The following PCDHGA4 variants were observed in gnomAD, a reference collection of about 807,000 sequenced individuals.
PCDHGA4 encodes protocadherin gamma subfamily A, 4.
PCDHGA4 carries 38 observed loss-of-function variants against 54.6 expected under a neutral mutation model. The observed-to-expected ratio is 0.70, with a 90% CI of 0.54 to 0.91. PCDHGA4 has a LOEUF of 0.91. Ranked by LOEUF, PCDHGA4 falls within the 40% of genes least tolerant of loss-of-function variation. PCDHGA4 has a pLI of 0.00. For missense variants in PCDHGA4, 1,298 were observed against 1,220.9 expected (o/e 1.06, Z -0.94); for synonymous variants, 511 against 512.9 (o/e 1.00, Z 0.05).
At chr5:141,453,175 A>G (rs928062909) in intron 1 of PCDHGA4, among the ~76,000 whole-genome samples, 2 of 152,088 alleles carry the variant, frequency 1.3e-5, no homozygotes, top group African/African-American at 4.8e-5. Context: ...GTCCAGTGGT[A>G]CAATCACAGC....
Position 141,431,854 on chromosome 5 carries a change from A to G in PCDHGA4, c.2515-62953A>G. On this transcript the variant is annotated intron_variant, in intron 1 of 3. Coordinates refer to ENST00000571252, the MANE Select transcript of PCDHGA4 (RefSeq NM_018917.4). The surrounding 1 kb of genome is among the most constrained non-coding windows in gnomAD (Gnocchi z 4.8). Reference sequence around the variant, plus strand: ...CCGAAAACTCTCCCAGAGGGACATTAATTGCCCTTTTAAATGTAAATGACC... The same window carrying G: ...CCGAAAACTCTCCCAGAGGGACATTGATTGCCCTTTTAAATGTAAATGACC... The G allele has an allele frequency of 6.2e-7, 1 of 1,614,230 alleles. No individual in the cohort carries two copies. The highest frequency in any genetic ancestry group is 1.3e-5 in the African/African-American group (1 of 75,070).
At chr5:141,386,116 T>G (rs376387323) in intron 1 of PCDHGA4, 1 of 152,146 alleles carries the variant, frequency 6.6e-6, no homozygotes, top group Admixed American at 6.6e-5. Context: ...GCTATCAAAG[T>G]GGGAGATTGG....
intron 1 of PCDHGA4, chr5:141,362,476 G>A (rs757587046): frequency 1.2e-6 from 2 of 1,614,028 alleles, no homozygotes; most frequent in East Asian, 2.2e-5. Context: ...GCAAGATCTC[G>A]TCTGTGACAA....
intron 1 of PCDHGA4, chr5:141,430,655 G>T (rs1309165721): frequency 1.6e-5 from 17 of 1,084,938 alleles, no homozygotes; most frequent in Non-Finnish European, 2.2e-5. Flanking sequence ...TGGAAACAAC[G>T]GAGGAGCTCT....
At chr5:141,378,827 A>G (rs983017381) in intron 1 of PCDHGA4, 1 of 152,256 alleles carries the variant, frequency 6.6e-6, no homozygotes, top group African/African-American at 2.4e-5. Flanking sequence ...TTTCATGAAC[A>G]GAAAACAGCA....
intron 1 of PCDHGA4, chr5:141,423,660 G>T (rs765304048): frequency 1.3e-6 from 2 of 1,560,582 alleles, no homozygotes; most frequent in Non-Finnish European, 8.6e-7. Context: ...CAAGTAATCA[G>T]GTGAGATTTA....
chr5:141,436,087 T>C (rs927404291), intron 1 of PCDHGA4, among the ~76,000 whole-genome samples: 1 of 152,198 alleles, frequency 6.6e-6, no homozygotes, highest in Non-Finnish European at 1.5e-5. Flanking sequence ...CTATAGGTAA[T>C]ATTGAGAGAA....
intron 1 of PCDHGA4, chr5:141,378,924 G>T (rs1426450881): frequency 6.6e-6 from 1 of 152,202 alleles, no homozygotes; most frequent in Non-Finnish European, 1.5e-5. Flanking sequence ...TCAAAAGTAA[G>T]TTGATGGCCC....
intron 1 of PCDHGA4, among the ~76,000 whole-genome samples, chr5:141,464,702 G>T (rs934638404): frequency 1.3e-5 from 2 of 151,942 alleles, no homozygotes; most frequent in African/African-American, 2.4e-5. Context: ...TATGAATGAG[G>T]TTAAATAGTT....
At chr5:141,416,998 CAAAT>C (rs2096073182) in intron 1 of PCDHGA4, 1 of 150,816 alleles carries the variant, frequency 6.6e-6, no homozygotes, top group South Asian at 2.1e-4. Flanking sequence ...GCATTCATCT[CAAAT>C]AATTCTATTA....
Position 141,355,171 on chromosome 5 carries a change from A to G in PCDHGA4, c.64A>G (p.Lys22Glu), listed in dbSNP as rs1759739774. 1 of 1,572,286 alleles carries G rather than the reference A, an allele frequency of 6.4e-7. No homozygotes were observed. The highest frequency in any genetic ancestry group is 2.2e-5 in the East Asian group (1 of 44,490). The change falls in exon 1 of 4, where the codon AAG (lysine) becomes GAG (glutamate). Residue 22 changes from lysine to glutamate, a missense_variant. Coordinates refer to ENST00000571252, the MANE Select transcript of PCDHGA4 (RefSeq NM_018917.4). ...TCAGGCCTCGACAGAGGGAAAACCG[A>G]AGCACAGGCGACTCCGCGGCGGGGT... ...APQASTEGKP[K>E]HRRLRGGVVM...
chr5:141,429,510 T>A (rs2097220128), intron 1 of PCDHGA4, among the ~76,000 whole-genome samples: 1 of 152,124 alleles, frequency 6.6e-6, no homozygotes, highest in African/African-American at 2.4e-5. Context: ...AAACTGTGCC[T>A]GGCAGAGAAA....
rs757825548 is a variant in PCDHGA4, at chr5:141,361,696, G to C, written c.2514+4075G>C. 9.3e-6 allele frequency: 15 copies of C among 1,613,466 alleles called. No individual in the cohort carries two copies. In the Admixed American group the frequency reaches 1.0e-4, roughly 11 times the overall value. ...GGTGGTGTTCGCGCAGCGCGCCTTC[G>C]ATCATGAGCAGCTGCGCGCCTTCGA... On this transcript the variant is annotated intron_variant, in intron 1 of 3. Transcript: ENST00000571252.
chr5:141,500,189 TTTA>T (rs780229863), intron 2 of PCDHGA4, among the ~76,000 whole-genome samples: 5,656 of 110,928 alleles, frequency 0.051, 122 homozygotes, highest in Middle Eastern at 0.14. Context: ...TTTATTTTTA[TTTA>T]TTTATTTATT....
chr5:141,366,540 C>G, intron 1 of PCDHGA4: 1 of 1,614,260 alleles, frequency 6.2e-7, no homozygotes, highest in Non-Finnish European at 8.5e-7. Flanking sequence ...GGTGTGCCCG[C>G]CTCGCACTTT....
intron 1 of PCDHGA4, chr5:141,388,815 A>G: frequency 1.2e-6 from 2 of 1,613,992 alleles, no homozygotes; most frequent in Non-Finnish European, 1.7e-6. Flanking sequence ...TGAAGAAGTC[A>G]AAGAATATTC....
chr5:141,375,011 G>C, intron 1 of PCDHGA4: 2 of 1,614,028 alleles, frequency 1.2e-6, no homozygotes, highest in Non-Finnish European at 1.7e-6. Context: ...TCTAGACTAT[G>C]AGGACTCGAG....
At chr5:141,403,491 T>A in intron 1 of PCDHGA4, 1 of 1,614,010 alleles carries the variant, frequency 6.2e-7, no homozygotes, top group South Asian at 1.1e-5. Context: ...CACTTCTCCC[T>A]GAACGTGCAG....
chr5:141,484,277 G>T (rs1026083889), intron 1 of PCDHGA4, among the ~76,000 whole-genome samples: 1 of 152,126 alleles, frequency 6.6e-6, no homozygotes, highest in South Asian at 2.1e-4. Context: ...TTACTGTTTT[G>T]AAACATCTCC....
Sources: allele counts gnomAD v4.1 joint callset (sites outside exome capture counted in the v4.1 genomes callset), GRCh38; gene constraint gnomAD v4.1.1; non-coding constraint Gnocchi (gnomAD v3.1); transcripts MANE v1.5; gene names NCBI Gene and HGNC (gene_info 2026-07-23, HGNC 2026-07-21).